Variants in SFI1 observed in about 807,000 individuals in gnomAD.
SFI1 encodes SFI1 centrin binding protein, also known as protein SFI1 homolog.
In SFI1, 195 loss-of-function variants were observed where a neutral mutation model predicts 207.5. That is an observed-to-expected ratio of 0.94 (90% CI 0.84 to 1.06). The LOEUF (loss-of-function observed/expected upper bound fraction) is 1.06. Ranked by LOEUF, SFI1 falls within the 50% of genes least tolerant of loss-of-function variation. The probability of loss-of-function intolerance (pLI) is 0.00; values close to 1 mark genes in which losing one functional copy is unlikely to be tolerated. For synonymous variants in SFI1, 630 were observed against 598.9 expected (o/e 1.05, Z -0.76); for missense variants, 1,634 against 1,588.0 (o/e 1.03, Z -0.49).
At chr22:31,571,705 A>G (rs1341705330) in intron 8 of SFI1, among the ~76,000 whole-genome samples, 1 of 152,142 alleles carries the variant, frequency 6.6e-6, no homozygotes, top group Non-Finnish European at 1.5e-5. Flanking sequence ...GTAGACACAA[A>G]GTTTATCTTA....
Position 31,509,249 on chromosome 22 carries a change from C to T in SFI1, c.92+873C>T, listed in dbSNP as rs9621274. Among the ~76,000 whole-genome samples the T allele has an allele frequency of 7.4e-3, 1,133 of 152,272 alleles. 25 individuals carry two copies. Among genetic ancestry groups the T allele is most frequent in the African/African-American group, 0.025 (1,028 of 41,554 alleles). On this transcript the variant is annotated intron_variant, in intron 2 of 32. Transcript: ENST00000400288. ...GGGAGTTTGTTAAGGAGAATTGACTCACACAATCACAAGGTGAAGTCCCGT... is the reference window on the plus strand; with the variant it reads ...GGGAGTTTGTTAAGGAGAATTGACTTACACAATCACAAGGTGAAGTCCCGT...
intron 2 of SFI1, among the ~76,000 whole-genome samples, chr22:31,517,102 C>T (rs2056629982): frequency 6.6e-6 from 1 of 151,798 alleles, no homozygotes; most frequent in African/African-American, 2.4e-5. Context: ...CCACTATACT[C>T]CAGCCTGGGT....
chr22:31,582,168 G>A (rs1386153089), intron 12 of SFI1, among the ~76,000 whole-genome samples: 2 of 103,874 alleles, frequency 1.9e-5, no homozygotes, highest in Non-Finnish European at 3.6e-5. Flanking sequence ...TTTTAATCTA[G>A]AACTTTCCTT....
chr22:31,589,676 C>A, intron 15 of SFI1, 99 bp downstream of exon 15: 1 of 1,352,012 alleles, frequency 7.4e-7, no homozygotes. Flanking sequence ...TTCCCAGACC[C>A]CAGGCCCTAG....
intron 12 of SFI1, among the ~76,000 whole-genome samples, chr22:31,582,237 T>TATATATATATATA (rs1168966383): frequency 7.5e-4 from 15 of 19,912 alleles, no homozygotes; most frequent in East Asian, 4.0e-3. Context: ...TATATATATA[T>TATATATATATATA]TTTTTTTTTT....
intron 21 of SFI1, chr22:31,606,669 T>A: frequency 2.9e-6 from 1 of 348,100 alleles, no homozygotes; most frequent in Non-Finnish European, 5.2e-6. Context: ...CTAGTTCTTA[T>A]CAGAACCAGT....
chr22:31,608,231 A>G (rs866833658), intron 22 of SFI1, among the ~76,000 whole-genome samples, 198 bp downstream of exon 22: 5 of 152,158 alleles, frequency 3.3e-5, no homozygotes, highest in Non-Finnish European at 7.3e-5. Flanking sequence ...GCAGTCAGCG[A>G]TCAAGGTGTG....
intron 8 of SFI1, among the ~76,000 whole-genome samples, chr22:31,562,606 A>G (rs549835719): frequency 1.3e-5 from 2 of 151,574 alleles, no homozygotes; most frequent in East Asian, 3.9e-4. Flanking sequence ...GGTCACATGT[A>G]TAGTGAAGCT....
At chr22:31,573,448 T>C (rs1441189588) in intron 9 of SFI1, among the ~76,000 whole-genome samples, 13 of 151,820 alleles carry the variant, frequency 8.6e-5, no homozygotes, top group Admixed American at 8.5e-4. Flanking sequence ...ATTTTTTTTT[T>C]TTTTTTGAGA....
intron 4 of SFI1, among the ~76,000 whole-genome samples, chr22:31,540,719 C>T (rs1334915846): frequency 6.6e-6 from 1 of 151,876 alleles, no homozygotes; most frequent in Non-Finnish European, 1.5e-5. Context: ...TAGCTGAGAC[C>T]ATAGGCATGC....
intron 2 of SFI1, among the ~76,000 whole-genome samples, chr22:31,525,104 T>G (rs1379277187): frequency 6.6e-6 from 1 of 152,164 alleles, no homozygotes; most frequent in Non-Finnish European, 1.5e-5. Flanking sequence ...TGTAATCTCA[T>G]TCTATAGGTT....
intron 22 of SFI1, among the ~76,000 whole-genome samples, chr22:31,608,732 C>A (rs1421367890): frequency 1.3e-5 from 2 of 152,058 alleles, no homozygotes; most frequent in Admixed American, 6.5e-5. Context: ...CTTGTCAGGG[C>A]AGCCCCCACC....
intron 22 of SFI1, among the ~76,000 whole-genome samples, chr22:31,610,485 C>T (rs986570408): frequency 2.0e-5 from 3 of 152,208 alleles, no homozygotes; most frequent in Admixed American, 1.3e-4. Context: ...CTGGAGGGCT[C>T]CTCATCTTGG....
intron 7 of SFI1, chr22:31,559,875 G>A (rs1185640153): frequency 2.4e-5 from 16 of 666,180 alleles, no homozygotes; most frequent in African/African-American, 1.4e-4. Context: ...CTTCGTGTCC[G>A]AGGCCAGCAC....
rs1048923914 is a variant in SFI1 at position 31,560,518 on chromosome 22, C to T, written c.663-772C>T. Among the ~76,000 whole-genome samples the T allele has an allele frequency of 2.0e-5, 3 of 150,718 alleles. No individual in the cohort carries two copies. In the Admixed American group the frequency reaches 2.0e-4, roughly 10 times the overall value. Reference sequence around the variant, plus strand: ...CTGGGTTCAAGAGATTCTCCTGCCTCAGCCTCCCAAGTAGCAGGGATTACA... The same window carrying T: ...CTGGGTTCAAGAGATTCTCCTGCCTTAGCCTCCCAAGTAGCAGGGATTACA... On this transcript the variant is annotated intron_variant, in intron 7 of 32. Transcript: ENST00000400288.
intron 15 of SFI1, among the ~76,000 whole-genome samples, chr22:31,594,125 C>T (rs1043480229): frequency 1.3e-5 from 2 of 152,188 alleles, no homozygotes; most frequent in East Asian, 3.8e-4. Flanking sequence ...CATTAGCTTT[C>T]TGGATCAGAG....
intron 4 of SFI1, among the ~76,000 whole-genome samples, chr22:31,542,728 C>T (rs1267636455): frequency 6.7e-6 from 1 of 148,798 alleles, no homozygotes; most frequent in Non-Finnish European, 1.5e-5. Context: ...GTGGCCTGAT[C>T]TCAGCTCACT....
At chr22:31,520,531 C>A (rs1027698183) in intron 2 of SFI1, among the ~76,000 whole-genome samples, 5 of 152,152 alleles carry the variant, frequency 3.3e-5, no homozygotes, top group African/African-American at 9.6e-5. Context: ...AATGGCTTTT[C>A]TAATACTCAC....
At chr22:31,617,304 G>A (rs182448114) in intron 31 of SFI1, among the ~76,000 whole-genome samples, 52 of 152,172 alleles carry the variant, frequency 3.4e-4, no homozygotes, top group East Asian at 7.7e-4. Context: ...GGCCCAAGTC[G>A]TCAGACTCAC....
Sources: gnomAD v4.1 joint callset for allele counts (sites outside exome capture counted in the v4.1 genomes callset) on GRCh38, gnomAD v4.1.1 for gene constraint, MANE v1.5 for transcripts, NCBI Gene and HGNC (gene_info 2026-07-23, HGNC 2026-07-21) for gene names.